The following MASP1 variants were observed in gnomAD, a reference collection of about 807,000 sequenced individuals.
MASP1 encodes the protein mannan-binding lectin serine protease 1.
A neutral mutation model predicts 77.1 loss-of-function variants in MASP1; 59 were observed. The observed-to-expected ratio is 0.77, with a 90% CI of 0.62 to 0.95. MASP1 has a LOEUF of 0.95. Among genes scored for constraint, MASP1 ranks in the 40% least tolerant of loss-of-function variants. MASP1 has a pLI of 0.00. For synonymous variants in MASP1, 362 were observed against 354.5 expected, an observed-to-expected ratio of 1.02 and a Z score of -0.24; for missense variants, 885 against 912.9, an observed-to-expected ratio of 0.97 and a Z score of 0.39.
intron 15 of MASP1, chr3:187,220,977 G>T: frequency 6.9e-7 from 1 of 1,439,972 alleles, no homozygotes; most frequent in East Asian, 2.3e-5. Flanking sequence ...TCCCTTGCTG[G>T]CTCTGCACCA....
chr3:187,223,897 C>T (rs551382496), intron 13 of MASP1, among the ~76,000 whole-genome samples: 1 of 152,328 alleles, frequency 6.6e-6, no homozygotes, highest in Admixed American at 6.5e-5. Flanking sequence ...AGTCACCTCA[C>T]CCTGCTGATC....
At position 187,235,878 on chromosome 3, in the gene MASP1, C is replaced by T. The variant is rs756893343; in HGVS notation, c.1993G>A (p.Gly665Ser). 37 of 1,614,096 alleles carry T rather than the reference C, an allele frequency of 2.3e-5. No individual in the cohort carries two copies. Among genetic ancestry groups the T allele is most frequent in the African/African-American group, 5.3e-5 (4 of 74,940 alleles). ...TCATCAAAGATGACAAAGGCCCCAC[C>T]GCTATCTCCAAGGCACGTGTCTTTG... ...GGKDTCLGDS[G>S]GAFVIFDDLS... The change falls in exon 11 of 11, where the codon GGT becomes AGT. Residue 665 changes from glycine (G) to serine (S), a missense_variant. Gly to Ser is a moderately conservative substitution (Grantham distance 56). Transcript: ENST00000296280.
rs965411818 is a variant in MASP1, at chr3:187,225,499, C to T, written c.1566G>A (p.Trp522Ter). The T allele has an allele frequency of 1.2e-6, 2 of 1,614,120 alleles. No individual in the cohort carries two copies. Among genetic ancestry groups the T allele is most frequent in the Admixed American group, 3.3e-5 (2 of 60,016 alleles). ...GTTCATTTTCATCTGACCGGAGCCTCCAATGCTTGCCTGGGCAAGAAGAAG... is the reference window on the plus strand; with the variant it reads ...GTTCATTTTCATCTGACCGGAGCCTTCAATGCTTGCCTGGGCAAGAAGAAG... The change falls in exon 13 of 16, where the codon TGG becomes TGA. Residue 522 changes from tryptophan to a stop codon, truncating the protein, a stop_gained. Transcript: ENST00000337774. LOFTEE classifies it high-confidence loss of function.
intron 2 of MASP1, among the ~76,000 whole-genome samples, chr3:187,282,323 C>T (rs1016471018): frequency 6.6e-6 from 1 of 151,840 alleles, no homozygotes; most frequent in African/African-American, 2.4e-5. Context: ...ATGGTGAAAC[C>T]CCGTCTCTGC....
intron 10 of MASP1, 97 bp from the exon 11 acceptor site, chr3:187,236,664 A>G (rs1441678725): frequency 1.2e-6 from 2 of 1,606,104 alleles, no homozygotes; most frequent in Non-Finnish European, 1.7e-6. Context: ...TTCACCCACT[A>G]TAGATTATGC....
rs55722614 is a variant in MASP1 at position 187,290,770 on chromosome 3, TTGTGTGTGTGTG to T, written c.5+846_5+857del. 1.3e-3 allele frequency among the ~76,000 whole-genome samples: 193 copies of T among 149,894 alleles called. 1 individual carries two copies. Among genetic ancestry groups the T allele is most frequent in the African/African-American group, 4.4e-3 (178 of 40,664 alleles). On this transcript the variant is annotated intron_variant, in intron 1 of 10. Transcript: ENST00000296280. ...TAGGGACTTACACATCTGCAGAGCA[TTGTGTGTGTGTG>T]TGTGTGTGTGTGTGTGTGTAACAGC...
At position 187,277,706 on chromosome 3, in the gene MASP1, A is replaced by C. The variant is rs576243897; in HGVS notation, c.237+8119T>G. On this transcript the variant is annotated intron_variant, in intron 2 of 10. Coordinates refer to ENST00000296280, the MANE Select transcript of MASP1 (RefSeq NM_139125.4). ...CTGGCTTTCCTGCAGAGACTTGAAC[A>C]AATTCACTTGTACCTGTTTCCTTTT... Among the ~76,000 whole-genome samples the C allele has an allele frequency of 3.0e-4, 46 of 152,364 alleles. 2 individuals are homozygous for C. The highest frequency in any genetic ancestry group is 6.8e-3 in the Middle Eastern group (2 of 294).
At chr3:187,220,924 C>T (rs1347687471) in intron 15 of MASP1, 27 of 805,536 alleles carry the variant, frequency 3.4e-5, no homozygotes, top group East Asian at 1.3e-4. Flanking sequence ...CAGTCCCCCG[C>T]GCCCCCACAC....
chr3:187,287,723 TTAGA>T (rs1364462647), intron 1 of MASP1, among the ~76,000 whole-genome samples: 2 of 152,228 alleles, frequency 1.3e-5, no homozygotes, highest in African/African-American at 2.4e-5. Flanking sequence ...GGCCTGAGTC[TTAGA>T]TAGCCTAAAA....
At position 187,267,751 on chromosome 3, in the gene MASP1, G is replaced by A. The variant is rs552215888; in HGVS notation, c.238-5031C>T. Among the ~76,000 whole-genome samples the A allele has an allele frequency of 1.7e-3, 261 of 152,306 alleles. 1 individual carries two copies. Among genetic ancestry groups the A allele is most frequent in the Non-Finnish European group, 2.6e-3 (174 of 68,026 alleles). ...TTCCATGAGCCTCCCCTTCATTGTT[G>A]CACTTTGGCCCCTTAGGTAGAATTG... On this transcript the variant is annotated intron_variant, in intron 2 of 10. Coordinates refer to ENST00000296280, the MANE Select transcript of MASP1 (RefSeq NM_139125.4).
chr3:187,263,235 C>T (rs1231676189), intron 2 of MASP1: 1 of 164,146 alleles, frequency 6.1e-6, no homozygotes, highest in Non-Finnish European at 1.3e-5. Flanking sequence ...GCAGGTATTA[C>T]ACAGTGTGAC....
At chr3:187,288,673 C>T (rs546625780) in intron 1 of MASP1, among the ~76,000 whole-genome samples, 3 of 152,208 alleles carry the variant, frequency 2.0e-5, no homozygotes, top group Non-Finnish European at 4.4e-5. Flanking sequence ...CTAAACCGGA[C>T]TTCCCTATAA....
intron 8 of MASP1, 81 bp from the exon 9 acceptor site, chr3:187,243,702 T>G (rs1713848408): frequency 6.5e-7 from 1 of 1,529,142 alleles, no homozygotes. Context: ...CTCATGCAGA[T>G]GTACAGGTTG....
intron 12 of MASP1, chr3:187,226,204 A>G: frequency 1.7e-6 from 1 of 593,748 alleles, no homozygotes; most frequent in Non-Finnish European, 3.0e-6. Flanking sequence ...ACTGAAGCAT[A>G]GACTTCAATG....
chr3:187,246,663 A>G (rs568378919), intron 8 of MASP1: 1 of 988,456 alleles, frequency 1.0e-6, no homozygotes, highest in Non-Finnish European at 1.2e-6. Context: ...CACTGCTTTC[A>G]GGTGTGATCC....
chr3:187,234,059 T>C (rs917949023), downstream of MASP1: 3 of 1,220,142 alleles, frequency 2.5e-6, no homozygotes, highest in Non-Finnish European at 3.1e-6. Context: ...TCCCCAACAA[T>C]AACAAAACCC....
intron 2 of MASP1, among the ~76,000 whole-genome samples, chr3:187,265,308 A>T (rs1715926237): frequency 6.6e-6 from 1 of 152,216 alleles, no homozygotes; most frequent in Admixed American, 6.5e-5. Context: ...CTGGGACATG[A>T]ACATTTTCAA....
At chr3:187,248,818 A>G (rs755150161) in intron 8 of MASP1, among the ~76,000 whole-genome samples, 3 of 152,192 alleles carry the variant, frequency 2.0e-5, no homozygotes, top group Non-Finnish European at 4.4e-5. Flanking sequence ...CTCCAGCTAC[A>G]TCATATGAAA....
At chr3:187,241,611 A>C in intron 9 of MASP1, 56 bp from the exon 10 acceptor site, 9 of 1,142,500 alleles carry the variant, frequency 7.9e-6, no homozygotes, top group Non-Finnish European at 1.1e-5. Context: ...TTTGTAACAC[A>C]TGGAAAATAG....
Sources: gnomAD v4.1 joint callset for allele counts (sites outside exome capture counted in the v4.1 genomes callset) on GRCh38, gnomAD v4.1.1 for gene constraint, MANE v1.5 for transcripts, NCBI Gene and HGNC (gene_info 2026-07-23, HGNC 2026-07-21) for gene names.